Variants in ITGAD observed in about 807,000 individuals in gnomAD.
The protein encoded by ITGAD is integrin alpha-D.
Under a neutral mutation model 139.0 loss-of-function variants are expected in ITGAD, and 105 were observed. The observed-to-expected ratio is 0.76, with a 90% CI of 0.65 to 0.89. The LOEUF (loss-of-function observed/expected upper bound fraction) is 0.89, where lower values mean the gene tolerates loss of function less well. Among genes scored for constraint, ITGAD ranks in the 40% least tolerant of loss-of-function variants. The probability of loss-of-function intolerance (pLI) is 0.00; values close to 1 mark genes in which losing one functional copy is unlikely to be tolerated. For synonymous variants in ITGAD, 569 were observed against 598.3 expected (o/e 0.95, Z 0.71); for missense variants, 1,384 against 1,487.3 (o/e 0.93, Z 1.14).
chr16:31,408,632 T>G, intron 10 of ITGAD, 134 bp downstream of exon 10: 1 of 699,266 alleles, frequency 1.4e-6, no homozygotes, highest in Non-Finnish European at 2.4e-6. Context: ...CCCACGCGTG[T>G]GTTAGGGGCC....
chr16:31,406,431 C>A (rs2081542236), intron 7 of ITGAD, among the ~76,000 whole-genome samples: 1 of 152,120 alleles, frequency 6.6e-6, no homozygotes, highest in African/African-American at 2.4e-5. Flanking sequence ...TCACCGTAGG[C>A]CATTCACTGT....
chr16:31,414,186 TATC>T (rs1218684965), intron 16 of ITGAD, among the ~76,000 whole-genome samples: 4 of 152,142 alleles, frequency 2.6e-5, no homozygotes, highest in Non-Finnish European at 5.9e-5. Context: ...ATCTATTATC[TATC>T]ATCTGTCTAT....
At chr16:31,406,235 T>C (rs2081538075) in intron 7 of ITGAD, among the ~76,000 whole-genome samples, 2 of 152,028 alleles carry the variant, frequency 1.3e-5, no homozygotes, top group African/African-American at 4.8e-5. Flanking sequence ...CCACCATACC[T>C]GGCTAATTTT....
intron 29 of ITGAD, among the ~76,000 whole-genome samples, chr16:31,424,998 C>T (rs1205404595): frequency 6.6e-6 from 1 of 152,190 alleles, no homozygotes; most frequent in African/African-American, 2.4e-5. Context: ...GGCCTGGACA[C>T]ACATTTTGGC....
chr16:31,412,979 C>G lies in ITGAD; in HGVS notation c.1838+11C>G. 1 of 1,602,694 alleles carries G rather than the reference C, an allele frequency of 6.2e-7. No individual in the cohort carries two copies. Among genetic ancestry groups the G allele is most frequent in the Non-Finnish European group, 8.5e-7 (1 of 1,174,106 alleles). ...GGTGCTCCTGCTCAGGTAGCGACTCCCCAACATCCTGCCCTCCCGCGCTGT... is the reference window on the plus strand; with the variant it reads ...GGTGCTCCTGCTCAGGTAGCGACTCGCCAACATCCTGCCCTCCCGCGCTGT... On this transcript the variant is annotated intron_variant, in intron 15 of 29. Transcript: ENST00000389202.
intron 18 of ITGAD, among the ~76,000 whole-genome samples, chr16:31,415,611 C>T (rs1275839876): frequency 1.3e-5 from 2 of 152,218 alleles, no homozygotes; most frequent in Non-Finnish European, 2.9e-5. Context: ...AGATCCCTCC[C>T]AAGTTTCCTC....
At chr16:31,417,999 G>T in intron 20 of ITGAD, 76 bp from the exon 21 acceptor site, 1 of 1,124,636 alleles carries the variant, frequency 8.9e-7, no homozygotes, top group Non-Finnish European at 1.3e-6. Context: ...CTAGTGCTCT[G>T]CAGTGCCACC....
rs1236899881 is a variant in ITGAD at position 31,407,837 on chromosome 16, C to T, written c.930C>T (p.Asp310=). 4 of 1,611,674 alleles carry T rather than the reference C, an allele frequency of 2.5e-6. No homozygotes were observed. The Admixed American group carries it at 6.7e-5, about 27-fold the overall frequency. Residue 310 remains aspartate (D), a synonymous_variant, in exon 9 of 30, where the codon GAC becomes GAT. Coordinates refer to ENST00000389202, the MANE Select transcript of ITGAD (RefSeq NM_005353.3). The part of the protein sequence containing the change: ...LNTISSAPPQ[D]HVFKVDNFAA... Reference sequence around the variant, plus strand: ...CCATCAGCTCAGCGCCTCCGCAGGACCACGTGTTCAAGGTGGACAACTTTG... The same window carrying T: ...CCATCAGCTCAGCGCCTCCGCAGGATCACGTGTTCAAGGTGGACAACTTTG...
rs2081661286 is a variant in ITGAD at position 31,410,495 on chromosome 16, A to G, written c.1184A>G (p.Glu395Gly). Residue 395 changes from glutamate (E) to glycine (G), a missense_variant, in exon 11 of 30, where the codon GAG becomes GGG. Glu to Gly is a moderately conservative substitution (Grantham distance 98, BLOSUM62 -2). Transcript: ENST00000389202. ...MSPTFINMSQENVDMRDSYLG... is the reference protein window; with the variant it reads ...MSPTFINMSQGNVDMRDSYLG... ...CCCACCTTCATCAACATGTCTCAGG[A>G]GAATGTGGACATGAGGGACTCTTAC... is the stretch of plus-strand genomic sequence containing the variant. 1 of 1,612,740 alleles carries G rather than the reference A, an allele frequency of 6.2e-7. No homozygotes were observed. Among genetic ancestry groups the G allele is most frequent in the Non-Finnish European group, 8.5e-7 (1 of 1,179,512 alleles).
intron 5 of ITGAD, 23 bp from the exon 6 acceptor site, chr16:31,402,092 G>T: frequency 6.2e-7 from 1 of 1,609,948 alleles, no homozygotes. Flanking sequence ...GTGCATCTCC[G>T]ATTCCTCCCC....
Position 31,413,200 on chromosome 16 carries a change from C to A in ITGAD, c.1950C>A (p.Asp650Glu), listed in dbSNP as rs145551627. ...AGCCCAGTGCCCTGGAAGCTGGGGA[C>A]GCCACCGTCTGTCTCACCATCCAGA... is the stretch of plus-strand genomic sequence containing the variant. ...EEKPSALEAG[D>E]ATVCLTIQKS... is the part of the protein sequence containing the mutation. The change falls in exon 16 of 30, where the codon GAC becomes GAA. Residue 650 changes from aspartate (D) to glutamate (E), a missense_variant. Transcript: ENST00000389202. 4 of 1,614,020 alleles carry A rather than the reference C, an allele frequency of 2.5e-6. No homozygotes were observed. The African/African-American group carries it at 4.0e-5, about 16-fold the overall frequency.
rs1393792682 is a variant in ITGAD, at chr16:31,426,144, T to C, written c.*16T>C. 1 of 1,521,246 alleles carries C rather than the reference T, an allele frequency of 6.6e-7. No homozygotes were observed. The highest frequency in any genetic ancestry group is 9.1e-7 in the Non-Finnish European group (1 of 1,097,094). 94.2% of individuals were successfully genotyped at this position (1,521,246 alleles called of 1,614,324 possible). A position where few individuals can be genotyped will look rare whatever the true frequency, so the allele number is the denominator to read the frequency against. ...TTTGTCCTAATAATCCACTTTCCTG[T>C]TTATCTCTACCACTGTGGGCTGGAC... On this transcript the variant is annotated 3_prime_UTR_variant, in exon 30 of 30. Coordinates refer to ENST00000389202, the MANE Select transcript of ITGAD (RefSeq NM_005353.3).
At chr16:31,416,158 G>C (rs1487417416) in intron 18 of ITGAD, 55 bp from the exon 19 acceptor site, 3 of 1,421,568 alleles carry the variant, frequency 2.1e-6, no homozygotes, top group Non-Finnish European at 2.9e-6. Context: ...CTAAGGAGGG[G>C]CTTGGAGAAA....
At chr16:31,418,050 C>A in intron 20 of ITGAD, 25 bp from the exon 21 acceptor site, 1 of 1,600,372 alleles carries the variant, frequency 6.2e-7, no homozygotes, top group Non-Finnish European at 8.6e-7. Flanking sequence ...CGGGTAACTT[C>A]TTAAAATTCA....
At position 31,424,150 on chromosome 16, in the gene ITGAD, G is replaced by C. The variant is rs1427548176; in HGVS notation, c.3208G>C (p.Asp1070His). The change falls in exon 28 of 30, where the codon GAC becomes CAC. Residue 1070 changes from aspartate (D) to histidine (H), a missense_variant. Asp to His is a moderately conservative substitution (Grantham distance 81, BLOSUM62 -1). Transcript: ENST00000389202. Reference protein sequence around the residue: ...LVVSVAEITFDTSVYSQLPGQ... With the variant: ...LVVSVAEITFHTSVYSQLPGQ... ...CGTGAGTGTGGCTGAAATTACGTTCGACACATCCGTGTACTCCCAGCTTCC... is the reference window on the plus strand; with the variant it reads ...CGTGAGTGTGGCTGAAATTACGTTCCACACATCCGTGTACTCCCAGCTTCC... 4 of 1,614,188 alleles carry C rather than the reference G, an allele frequency of 2.5e-6. No individual in the cohort carries two copies. The highest frequency in any genetic ancestry group is 2.2e-5 in the East Asian group (1 of 44,882).
Position 31,407,565 on chromosome 16 carries a change from TC to T in ITGAD, c.757del (p.Leu253SerfsTer48). 6.2e-7 allele frequency: 1 copy of T among 1,610,878 alleles called. No individual in the cohort carries two copies. On this transcript the variant is annotated frameshift_variant, in exon 8 of 30. Transcript: ENST00000389202. LOFTEE classifies it high-confidence loss of function. ...KNGARKSAKK[I>X]LIVITDGQKY... ...GGGGCCCGAAAAAGTGCCAAGAAGATCCTCATTGTCATCACAGATGGGCAGA... is the reference window on the plus strand; with the variant it reads ...GGGGCCCGAAAAAGTGCCAAGAAGATCTCATTGTCATCACAGATGGGCAGA...
At chr16:31,397,706 C>CGGGCGG in intron 4 of ITGAD, 40 bp downstream of exon 4, 1 of 299,964 alleles carries the variant, frequency 3.3e-6, no homozygotes, top group Non-Finnish European at 5.6e-6. Flanking sequence ...TGGGGTGGGG[C>CGGGCGG]GGGGGGTGTT....
At chr16:31,425,256 G>A (rs2082090160) in intron 29 of ITGAD, among the ~76,000 whole-genome samples, 1 of 151,562 alleles carries the variant, frequency 6.6e-6, no homozygotes, top group African/African-American at 2.4e-5. Flanking sequence ...ATTTTTAGTA[G>A]AGAGAGGTTT....
chr16:31,419,495 C>T (rs1267691948), intron 23 of ITGAD, among the ~76,000 whole-genome samples: 1 of 152,134 alleles, frequency 6.6e-6, no homozygotes, highest in Non-Finnish European at 1.5e-5. Flanking sequence ...ATAAGTGCAA[C>T]CTATGATGTT....
Sources: allele counts gnomAD v4.1 joint callset (sites outside exome capture counted in the v4.1 genomes callset), GRCh38; gene constraint gnomAD v4.1.1; transcripts MANE v1.5; gene names NCBI Gene and HGNC (gene_info 2026-07-23, HGNC 2026-07-21).